Variants in SPATA22 observed in about 807,000 individuals in gnomAD.
SPATA22 encodes spermatogenesis-associated protein 22.
A neutral mutation model predicts 47.8 loss-of-function variants in SPATA22; 29 were observed. The observed-to-expected ratio is 0.61, with a 90% CI of 0.45 to 0.83. The LOEUF is 0.83. SPATA22 is among the 40% of genes least tolerant of loss of function. The pLI is 0.00. For missense variants in SPATA22, 410 were observed against 421.7 expected (o/e 0.97, Z 0.24); for synonymous variants, 133 against 140.9 (o/e 0.94, Z 0.40).
chr17:3,504,712 C>T (rs2074025610), intron 1 of SPATA22, among the ~76,000 whole-genome samples: 1 of 152,118 alleles, frequency 6.6e-6, no homozygotes, highest in Admixed American at 6.5e-5. Flanking sequence ...CATGCGCCAC[C>T]ACGCCTGGCT....
rs568686042 is a variant in SPATA22 at position 3,443,006 on chromosome 17, C to T, written c.900+168G>A. ...CTCAAACCCAGCACAGTACCTAGCA[C>T]GTAGTAGGCTCTCTATATTATAAAA... On this transcript the variant is annotated intron_variant, in intron 8 of 8. Transcript: ENST00000572969. Among the ~76,000 whole-genome samples, 9 of 152,042 alleles carry T rather than the reference C, an allele frequency of 5.9e-5. No homozygotes were observed. The East Asian group carries it at 7.7e-4, about 13-fold the overall frequency.
At chr17:3,512,298 GC>G (rs1441115081) in intron 1 of SPATA22, 1 of 143,582 alleles carries the variant, frequency 7.0e-6, no homozygotes, top group East Asian at 2.1e-4. Flanking sequence ...AGCTGGGAGG[GC>G]AGGGGCTGCT....
intron 8 of SPATA22, 42 bp from the exon 9 acceptor site, chr17:3,440,380 C>T (rs1597382108): frequency 1.4e-6 from 2 of 1,450,012 alleles, no homozygotes; most frequent in Non-Finnish European, 1.8e-6. Context: ...GTTATTACTT[C>T]ATCTGAATTT....
At chr17:3,458,013 AAAT>A (rs2073035560) in intron 5 of SPATA22, among the ~76,000 whole-genome samples, 1 of 152,234 alleles carries the variant, frequency 6.6e-6, no homozygotes, top group Admixed American at 6.5e-5. Context: ...ACAGTAAAGG[AAAT>A]AATCAACAGA....
intron 1 of SPATA22, chr17:3,499,211 G>T: frequency 1.1e-6 from 1 of 922,776 alleles, no homozygotes; most frequent in Admixed American, 3.0e-5. Flanking sequence ...TGCCTTATTC[G>T]GTAGGCATCT....
At chr17:3,478,018 T>C (rs1373310500) in intron 1 of SPATA22, among the ~76,000 whole-genome samples, 1 of 150,800 alleles carries the variant, frequency 6.6e-6, no homozygotes, top group Non-Finnish European at 1.5e-5. Context: ...CCGTCTCTAC[T>C]AAAAAAAATA....
At position 3,454,007 on chromosome 17, in the gene SPATA22, A is replaced by G. The variant is rs182484005; in HGVS notation, c.330-4858T>C. Among the ~76,000 whole-genome samples, 9 of 152,254 alleles carry G rather than the reference A, an allele frequency of 5.9e-5. No individual in the cohort carries two copies. In the East Asian group the frequency reaches 1.7e-3, roughly 29 times the overall value. On this transcript the variant is annotated intron_variant, in intron 5 of 8. Coordinates refer to ENST00000572969, the MANE Select transcript of SPATA22 (RefSeq NM_001170698.2). ...ACTCCATTAAGAAACTGTTAGAACT[A>G]AAAAATGAATTCAGTAAAATTGCAG...
intron 1 of SPATA22, chr17:3,502,664 A>G (rs1293731404): frequency 6.6e-6 from 1 of 152,262 alleles, no homozygotes; most frequent in African/African-American, 2.4e-5. Context: ...CCCACACAGC[A>G]TTGCTACTGT....
chr17:3,458,778 T>C (rs1597398930), intron 5 of SPATA22, among the ~76,000 whole-genome samples: 1 of 139,886 alleles, frequency 7.1e-6, no homozygotes, highest in Non-Finnish European at 1.5e-5. Flanking sequence ...GAGGTGGAGG[T>C]TGCAGTGAGC....
chr17:3,499,646 TTAAGTG>T (rs2073967036), intron 1 of SPATA22: 1 of 152,422 alleles, frequency 6.6e-6, no homozygotes, highest in Admixed American at 6.5e-5. Flanking sequence ...GTTACTGTTG[TTAAGTG>T]TTTTGGGGCA....
At chr17:3,441,508 A>T (rs1586929) in intron 8 of SPATA22, 1 of 151,870 alleles carries the variant, frequency 6.6e-6, no homozygotes, top group African/African-American at 2.4e-5. Context: ...GACAATACTA[A>T]GCGTTCGTAA....
At chr17:3,446,192 T>C (rs2072721954) in intron 7 of SPATA22, among the ~76,000 whole-genome samples, 1 of 152,108 alleles carries the variant, frequency 6.6e-6, no homozygotes, top group Admixed American at 6.6e-5. Flanking sequence ...CTTAATTACA[T>C]CTGCAAAGTC....
chr17:3,476,207 C>A (rs2150741691), upstream of SPATA22: 5 of 1,614,092 alleles, frequency 3.1e-6, no homozygotes, highest in Non-Finnish European at 3.4e-6. Context: ...AGGTTGCTAT[C>A]TTTGGAGGAA....
intron 1 of SPATA22, chr17:3,499,452 CTT>C: frequency 1.3e-3 from 2 of 1,584 alleles, no homozygotes; most frequent in Non-Finnish European, 7.1e-3. Flanking sequence ...GGATACTGTA[CTT>C]GTACTTTTTT....
At chr17:3,481,212 A>G (rs1008718753) in intron 1 of SPATA22, among the ~76,000 whole-genome samples, 3 of 152,100 alleles carry the variant, frequency 2.0e-5, no homozygotes, top group East Asian at 1.9e-4. Flanking sequence ...AAAGTGGGGG[A>G]AAAAAAGATG....
intron 3 of SPATA22, among the ~76,000 whole-genome samples, chr17:3,464,767 G>A (rs577073846): frequency 7.3e-6 from 1 of 137,872 alleles, no homozygotes; most frequent in Non-Finnish European, 1.6e-5. Flanking sequence ...TGAGAAGTGA[G>A]GAGCCCCTCC....
intron 1 of SPATA22, among the ~76,000 whole-genome samples, chr17:3,480,090 C>A (rs1397430905): frequency 6.6e-6 from 1 of 152,058 alleles, no homozygotes; most frequent in African/African-American, 2.4e-5. Context: ...GGTTCCTGGA[C>A]CTCAATTAAG....
At chr17:3,506,982 A>AGG (rs1388675449) in intron 1 of SPATA22, among the ~76,000 whole-genome samples, 3 of 29,084 alleles carry the variant, frequency 1.0e-4, no homozygotes, top group African/African-American at 4.0e-4. Context: ...GAGAGAAGGA[A>AGG]AAGAGAAGGA....
chr17:3,471,367 A>C, intron 1 of SPATA22: 3 of 949,086 alleles, frequency 3.2e-6, no homozygotes, highest in Non-Finnish European at 3.8e-6. Flanking sequence ...ACAACAACAA[A>C]ATTTTTAAGT....
Sources: gnomAD v4.1 joint callset for allele counts (sites outside exome capture counted in the v4.1 genomes callset) on GRCh38, gnomAD v4.1.1 for gene constraint, MANE v1.5 for transcripts, NCBI Gene and HGNC (gene_info 2026-07-23, HGNC 2026-07-21) for gene names.